CPPED1: variants seen among roughly 807,000 people sequenced by gnomAD.
The protein encoded by CPPED1 is calcineurin like phosphoesterase domain containing 1, also known as serine/threonine-protein phosphatase CPPED1.
In CPPED1, 28 loss-of-function variants were observed where a neutral mutation model predicts 28.0. The observed-to-expected ratio is 1.00, with a 90% CI of 0.74 to 1.37. CPPED1 has a LOEUF of 1.37. Ranked by LOEUF, CPPED1 falls within the 40% of genes most tolerant of loss-of-function variation. The pLI, the probability that CPPED1 is intolerant of heterozygous loss-of-function variation, is 0.00. For missense variants in CPPED1, 504 were observed against 416.5 expected, an observed-to-expected ratio of 1.21 and a Z score of -1.83; for synonymous variants, 198 against 180.2, an observed-to-expected ratio of 1.10 and a Z score of -0.79.
At chr16:12,697,405 G>A (rs1031025675) in intron 3 of CPPED1, among the ~76,000 whole-genome samples, 7 of 151,600 alleles carry the variant, frequency 4.6e-5, no homozygotes, top group Non-Finnish European at 7.4e-5. Context: ...GTCTTCAGGG[G>A]AACATGTGCC....
Position 12,741,870 on chromosome 16 carries a change from G to A in CPPED1, c.290-36821C>T, listed in dbSNP as rs528930064. 3.3e-5 allele frequency among the ~76,000 whole-genome samples: 5 copies of A among 152,218 alleles called. No homozygotes were observed. In the East Asian group the frequency reaches 7.7e-4, roughly 24 times the overall value. On this transcript the variant is annotated intron_variant, in intron 2 of 3. Coordinates refer to ENST00000381774, the MANE Select transcript of CPPED1 (RefSeq NM_018340.3). ...GTTCGAAACCAGGAGTTCGAAACCA[G>A]CATCGCCAACATGGTGAAATCCTGT...
intron 3 of CPPED1, among the ~76,000 whole-genome samples, chr16:12,704,063 G>C (rs1009744999): frequency 3.3e-5 from 5 of 152,208 alleles, no homozygotes; most frequent in African/African-American, 1.2e-4. Context: ...CCCAGGAACT[G>C]TCCGCTAAAG....
chr16:12,742,494 A>G (rs2141211785), intron 2 of CPPED1, among the ~76,000 whole-genome samples: 1 of 152,322 alleles, frequency 6.6e-6, no homozygotes, highest in East Asian at 1.9e-4. Flanking sequence ...AAAACATAAA[A>G]TCTATCTGCT....
chr16:12,769,507 G>A (rs1255646060), intron 2 of CPPED1, among the ~76,000 whole-genome samples: 1 of 152,126 alleles, frequency 6.6e-6, no homozygotes, highest in African/African-American at 2.4e-5. Flanking sequence ...AGGGGTGGAA[G>A]GGCGATCACA....
chr16:12,758,931 G>A (rs1156852365), intron 2 of CPPED1, among the ~76,000 whole-genome samples: 5 of 152,016 alleles, frequency 3.3e-5, no homozygotes, highest in Non-Finnish European at 7.4e-5. Flanking sequence ...GGGAGGCAGA[G>A]GCAGGAGGAT....
At position 12,664,839 on chromosome 16, in the gene CPPED1, A is replaced by AT. The variant is rs2079815732; in HGVS notation, c.*46dup. ...GTGTGCAGCTGCTGTTTCTGGCAAA[A>AT]TAAAAAAATAGTGCAAGTGAAAAGT... On this transcript the variant is annotated 3_prime_UTR_variant, in exon 4 of 4. Transcript: ENST00000381774. The surrounding 1 kb of genome is among the most constrained non-coding windows in gnomAD (Gnocchi z 4.2). The AT allele has an allele frequency of 6.2e-7, 1 of 1,606,168 alleles. No individual in the cohort carries two copies. Among genetic ancestry groups the AT allele is most frequent in the Non-Finnish European group, 8.5e-7 (1 of 1,178,018 alleles).
rs189399010 is a variant in CPPED1 at position 12,756,684 on chromosome 16, A to G, written c.289+24501T>C. Among the ~76,000 whole-genome samples the G allele has an allele frequency of 1.4e-4, 21 of 152,290 alleles. 2 individuals carry two copies. In the East Asian group the frequency reaches 4.1e-3, roughly 29 times the overall value. ...ATACCACTGCACCCCAGCCTGGGCA[A>G]CAGAGCAAGACTCTGTCTAAAAAAT... On this transcript the variant is annotated intron_variant, in intron 2 of 3. Transcript: ENST00000381774.
chr16:12,748,554 T>C (rs956081345), intron 2 of CPPED1, among the ~76,000 whole-genome samples: 1 of 152,194 alleles, frequency 6.6e-6, no homozygotes, highest in African/African-American at 2.4e-5. Context: ...TCCCAGTGCA[T>C]ATAAAAGTTA....
At chr16:12,716,291 T>C (rs1477289178) in intron 2 of CPPED1, among the ~76,000 whole-genome samples, 4 of 152,204 alleles carry the variant, frequency 2.6e-5, no homozygotes, top group Non-Finnish European at 2.9e-5. Flanking sequence ...CACTTAATCA[T>C]AGAATATTCC....
chr16:12,713,296 G>T (rs2080089402), intron 2 of CPPED1, among the ~76,000 whole-genome samples: 2 of 152,166 alleles, frequency 1.3e-5, no homozygotes, highest in Non-Finnish European at 2.9e-5. Context: ...CTACTATTTT[G>T]ATATCTGAAT....
At chr16:12,675,642 G>T (rs933241313) in intron 3 of CPPED1, among the ~76,000 whole-genome samples, 1 of 152,170 alleles carries the variant, frequency 6.6e-6, no homozygotes, top group Non-Finnish European at 1.5e-5. Flanking sequence ...CTTGGTGTTG[G>T]GGCTTAGACC....
rs533395269 is a variant in CPPED1 at position 12,679,170 on chromosome 16, G to A, written c.716-14055C>T. On this transcript the variant is annotated intron_variant, in intron 3 of 3. Coordinates refer to ENST00000381774, the MANE Select transcript of CPPED1 (RefSeq NM_018340.3). ...AAATATTTGTTTATCCAGAACTTCT[G>A]AGTAACTGCTATCCTCCCCATTCGT... 1.8e-3 allele frequency among the ~76,000 whole-genome samples: 280 copies of A among 152,300 alleles called. 1 individual carries two copies. The highest frequency in any genetic ancestry group is 3.3e-3 in the Non-Finnish European group (226 of 68,026).
At chr16:12,736,393 C>T (rs568695049) in intron 2 of CPPED1, among the ~76,000 whole-genome samples, 24 of 152,126 alleles carry the variant, frequency 1.6e-4, no homozygotes, top group African/African-American at 5.5e-4. Context: ...GCACATACCA[C>T]CATGCCTGGC....
At chr16:12,772,054 C>T (rs2080473173) in intron 2 of CPPED1, among the ~76,000 whole-genome samples, 1 of 151,982 alleles carries the variant, frequency 6.6e-6, no homozygotes, top group South Asian at 2.1e-4. Flanking sequence ...ACCCGGGAGG[C>T]GGAGGTTGCA....
chr16:12,760,310 C>G (rs2080401162), intron 2 of CPPED1: 1 of 152,146 alleles, frequency 6.6e-6, no homozygotes, highest in African/African-American at 2.4e-5. Flanking sequence ...GGTCCTGGAA[C>G]CAATCCTCCA....
At chr16:12,745,235 T>C (rs7190046) in intron 2 of CPPED1, among the ~76,000 whole-genome samples, 42,242 of 151,932 alleles carry the variant, frequency 0.28, 6,552 homozygotes, top group African/African-American at 0.41. Context: ...TCAAATATGA[T>C]GCGAGTTATG....
intron 2 of CPPED1, among the ~76,000 whole-genome samples, chr16:12,776,073 A>G (rs1200862990): frequency 6.6e-6 from 1 of 152,220 alleles, no homozygotes; most frequent in Non-Finnish European, 1.5e-5. Context: ...TGGAAACATT[A>G]TCCTGGGTTA....
At chr16:12,758,829 C>CGAT (rs56848342) in intron 2 of CPPED1, among the ~76,000 whole-genome samples, 271 of 151,676 alleles carry the variant, frequency 1.8e-3, no homozygotes, top group African/African-American at 5.9e-3. Flanking sequence ...TAATAAGACA[C>CGAT]GATGATGATG....
At chr16:12,679,494 G>A (rs1335229921) in intron 3 of CPPED1, among the ~76,000 whole-genome samples, 1 of 152,128 alleles carries the variant, frequency 6.6e-6, no homozygotes, top group Non-Finnish European at 1.5e-5. Flanking sequence ...AGTTTAGTGT[G>A]TATTTTCCAG....
Sources: allele counts gnomAD v4.1 joint callset (sites outside exome capture counted in the v4.1 genomes callset), GRCh38; gene constraint gnomAD v4.1.1; non-coding constraint Gnocchi (gnomAD v3.1); transcripts MANE v1.5; gene names NCBI Gene and HGNC (gene_info 2026-07-23, HGNC 2026-07-21).